Variants in SCFD1 observed in about 807,000 individuals in gnomAD.
The protein encoded by SCFD1 is sec1 family domain containing 1, also known as sec1 family domain-containing protein 1.
SCFD1 carries 37 observed loss-of-function variants against 103.2 expected under a neutral mutation model. The observed-to-expected ratio is 0.36, with a 90% CI of 0.28 to 0.47. The LOEUF (loss-of-function observed/expected upper bound fraction) is 0.47. SCFD1 is among the 20% of genes least tolerant of loss of function. The pLI is 1.00. For missense variants in SCFD1, 639 were observed against 761.2 expected (o/e 0.84, Z 1.89); for synonymous variants, 264 against 245.0 (o/e 1.08, Z -0.73).
intron 14 of SCFD1, among the ~76,000 whole-genome samples, chr14:30,693,005 G>GTAGGACTTTCTCATTTC (rs1890428168): frequency 6.6e-6 from 1 of 151,940 alleles, no homozygotes; most frequent in East Asian, 1.9e-4. Flanking sequence ...AGTATTATTG[G>GTAGGACTTTCTCATTTC]TAGGACTTTC....
chr14:30,722,613 C>T (rs1892728244), intron 23 of SCFD1, 54 bp downstream of exon 23: 1 of 1,092,560 alleles, frequency 9.2e-7, no homozygotes, highest in Admixed American at 2.0e-5. Context: ...ATAGGTAGAA[C>T]ACTAGCATAC....
chr14:30,664,511 C>A (rs550095020), intron 10 of SCFD1, among the ~76,000 whole-genome samples: 1 of 152,126 alleles, frequency 6.6e-6, no homozygotes, highest in African/African-American at 2.4e-5. Context: ...GATTGCAGCT[C>A]CTCGCCAGCA....
intron 21 of SCFD1, among the ~76,000 whole-genome samples, chr14:30,720,284 A>G (rs1240382715): frequency 1.3e-5 from 2 of 152,068 alleles, no homozygotes; most frequent in African/African-American, 4.8e-5. Flanking sequence ...GGAAAGGGGG[A>G]TGAGGATTGA....
chr14:30,639,749 A>AT (rs1885080532), intron 5 of SCFD1, 28 bp from the exon 6 acceptor site: 1 of 1,541,842 alleles, frequency 6.5e-7, no homozygotes, highest in Non-Finnish European at 8.7e-7. Flanking sequence ...TGTAAGATTG[A>AT]TTTGTAAACC....
At chr14:30,661,974 T>C (rs978427579) in intron 10 of SCFD1, among the ~76,000 whole-genome samples, 13 of 152,196 alleles carry the variant, frequency 8.5e-5, no homozygotes, top group Non-Finnish European at 1.8e-4. Context: ...ATCTTCTGTT[T>C]AATATATTAA....
chr14:30,731,591 G>A (rs1240415053), intron 23 of SCFD1, among the ~76,000 whole-genome samples: 1 of 152,092 alleles, frequency 6.6e-6, no homozygotes, highest in African/African-American at 2.4e-5. Context: ...TGGATTCCTA[G>A]GTATTTTATT....
At chr14:30,696,406 A>G (rs1017249626) in intron 15 of SCFD1, among the ~76,000 whole-genome samples, 3 of 152,216 alleles carry the variant, frequency 2.0e-5, no homozygotes, top group African/African-American at 7.2e-5. Flanking sequence ...AACAAAAAAA[A>G]CATGTTGACA....
chr14:30,622,302 C>G, upstream of SCFD1: 1 of 1,593,698 alleles, frequency 6.3e-7, no homozygotes, highest in East Asian at 2.3e-5. Context: ...TCCCCCCGCT[C>G]CGCTCCCCAG....
intron 14 of SCFD1, among the ~76,000 whole-genome samples, chr14:30,691,773 A>G (rs73254546): frequency 0.036 from 5,489 of 152,204 alleles, 154 homozygotes; most frequent in African/African-American, 0.061. Flanking sequence ...TTTGGACCCT[A>G]TTTCCATTGT....
intron 19 of SCFD1, among the ~76,000 whole-genome samples, chr14:30,714,136 A>G (rs1892092152): frequency 6.6e-6 from 1 of 151,590 alleles, no homozygotes; most frequent in Non-Finnish European, 1.5e-5. Flanking sequence ...TCATGAGGTC[A>G]GGAGATCGAG....
chr14:30,714,782 A>G (rs1892158724), intron 19 of SCFD1, among the ~76,000 whole-genome samples: 1 of 152,258 alleles, frequency 6.6e-6, no homozygotes, highest in South Asian at 2.1e-4. Context: ...AAAGTACAAT[A>G]GATACAAGAC....
At chr14:30,678,514 T>C (rs1889223798) in intron 14 of SCFD1, among the ~76,000 whole-genome samples, 1 of 152,218 alleles carries the variant, frequency 6.6e-6, no homozygotes, top group Non-Finnish European at 1.5e-5. Flanking sequence ...TTTTCATCCC[T>C]AATACAAATG....
chr14:30,707,903 G>T (rs762759061), intron 18 of SCFD1, 87 bp from the exon 19 acceptor site: 25 of 891,010 alleles, frequency 2.8e-5, no homozygotes, highest in Non-Finnish European at 4.4e-5. Context: ...TCAGCATGTG[G>T]TGTGTAATCA....
chr14:30,672,099 TTC>T (rs1888604474), intron 11 of SCFD1, among the ~76,000 whole-genome samples: 1 of 152,094 alleles, frequency 6.6e-6, no homozygotes, highest in African/African-American at 2.4e-5. Context: ...TGAGCAATTA[TTC>T]TCTGTTAACT....
chr14:30,630,224 T>C (rs1320192777), intron 2 of SCFD1, among the ~76,000 whole-genome samples: 1 of 152,178 alleles, frequency 6.6e-6, no homozygotes, highest in Non-Finnish European at 1.5e-5. Flanking sequence ...GGGTAAATAA[T>C]GATGGAAAAT....
At chr14:30,733,534 A>G (rs17097160) in intron 23 of SCFD1, among the ~76,000 whole-genome samples, 28,851 of 152,110 alleles carry the variant, frequency 0.19, 3,143 homozygotes, top group East Asian at 0.46. Context: ...ATTAATCTCA[A>G]CTGGGCTACT....
chr14:30,668,883 G>A (rs551685093), intron 10 of SCFD1, among the ~76,000 whole-genome samples: 1 of 152,066 alleles, frequency 6.6e-6, no homozygotes, highest in South Asian at 2.1e-4. Context: ...ATGGTGATCA[G>A]TAAAAATTCA....
intron 9 of SCFD1, among the ~76,000 whole-genome samples, 165 bp from the exon 10 acceptor site, chr14:30,653,324 G>A (rs976807390): frequency 2.0e-5 from 3 of 152,148 alleles, no homozygotes; most frequent in African/African-American, 7.2e-5. Flanking sequence ...GTATTGTGGT[G>A]CTTGCTTCAG....
At chr14:30,668,101 A>C (rs1888184151) in intron 10 of SCFD1, among the ~76,000 whole-genome samples, 1 of 152,218 alleles carries the variant, frequency 6.6e-6, no homozygotes, top group Non-Finnish European at 1.5e-5. Flanking sequence ...GTCAATCCTA[A>C]GCAAAAAGAA....
Sources: gnomAD v4.1 joint callset for allele counts (sites outside exome capture counted in the v4.1 genomes callset) on GRCh38, gnomAD v4.1.1 for gene constraint, MANE v1.5 for transcripts, NCBI Gene and HGNC (gene_info 2026-07-23, HGNC 2026-07-21) for gene names.